The following PCDHA10 variants were observed in gnomAD, a reference collection of about 807,000 sequenced individuals.
The protein encoded by PCDHA10 is protocadherin alpha 10.
PCDHA10 carries 45 observed loss-of-function variants against 61.2 expected under a neutral mutation model. That is an observed-to-expected ratio of 0.74 (90% confidence interval 0.58 to 0.94). The LOEUF (loss-of-function observed/expected upper bound fraction) is 0.94, where lower values mean the gene tolerates loss of function less well. PCDHA10 is among the 40% of genes least tolerant of loss of function. The pLI is 0.00. For synonymous variants in PCDHA10, 602 were observed against 548.8 expected (o/e 1.10, Z -1.35); for missense variants, 1,278 against 1,236.2 (o/e 1.03, Z -0.51).
intron 1 of PCDHA10, among the ~76,000 whole-genome samples, chr5:140,936,138 C>G (rs1396548448): frequency 6.6e-6 from 1 of 152,074 alleles, no homozygotes; most frequent in African/African-American, 2.4e-5. Context: ...AGTGATCTGC[C>G]CGCCTTGGCC....
chr5:140,898,995 T>C (rs1176186680), intron 1 of PCDHA10, among the ~76,000 whole-genome samples: 4 of 151,956 alleles, frequency 2.6e-5, no homozygotes, highest in Non-Finnish European at 5.9e-5. Flanking sequence ...TCTGTTTGTC[T>C]GTTATTGGTG....
chr5:140,977,012 TTC>T (rs2096742095), intron 1 of PCDHA10, among the ~76,000 whole-genome samples: 1 of 152,220 alleles, frequency 6.6e-6, no homozygotes, highest in African/African-American at 2.4e-5. Context: ...GTAACTGTGA[TTC>T]TGTCAAATGA....
chr5:140,941,214 C>CTTCTTTCTTT (rs1554214039), intron 1 of PCDHA10, among the ~76,000 whole-genome samples: 1 of 122,414 alleles, frequency 8.2e-6, no homozygotes, highest in Admixed American at 8.5e-5. Context: ...TTTCTTTCTT[C>CTTCTTTCTTT]CTTTCTTTCT....
At chr5:140,906,494 G>C (rs1327823813) in intron 1 of PCDHA10, among the ~76,000 whole-genome samples, 4 of 152,196 alleles carry the variant, frequency 2.6e-5, no homozygotes, top group African/African-American at 9.7e-5. Context: ...GCACAAACAT[G>C]TTTTTAACAA....
chr5:140,871,832 C>G (rs2053333400), intron 1 of PCDHA10, among the ~76,000 whole-genome samples: 2 of 152,246 alleles, frequency 1.3e-5, no homozygotes, highest in Non-Finnish European at 2.9e-5. Context: ...CCCTTCATCT[C>G]TAAACTTCAA....
rs199624636 is a variant in PCDHA10, at chr5:141,009,721, C to T, written c.2631C>T (p.Ser877=). The change falls in exon 4 of 4, where the codon TCC becomes TCT. Residue 877 remains serine (S), a synonymous_variant. Coordinates refer to ENST00000307360, the MANE Select transcript of PCDHA10 (RefSeq NM_018901.4). ...FKYGPGNPKQ[S]GPGELPDKFI... ...ACGGACCAGGCAACCCCAAACAATCCGGTCCCGGTGAGTTGCCCGACAAAT... is the reference window on the plus strand; with the variant it reads ...ACGGACCAGGCAACCCCAAACAATCTGGTCCCGGTGAGTTGCCCGACAAAT... 1.3e-5 allele frequency: 21 copies of T among 1,614,012 alleles called. No individual in the cohort carries two copies. The highest frequency in any genetic ancestry group is 1.7e-5 in the Non-Finnish European group (20 of 1,180,038).
intron 1 of PCDHA10, among the ~76,000 whole-genome samples, chr5:140,955,667 T>C (rs1485421057): frequency 6.6e-6 from 1 of 152,188 alleles, no homozygotes; most frequent in Admixed American, 6.5e-5. Flanking sequence ...AATTTTAACA[T>C]AGTTTTTTCG....
rs1038789772 is a variant in PCDHA10, at chr5:140,894,031, G to C, written c.2388+35595G>C. On this transcript the variant is annotated intron_variant, in intron 1 of 3. Transcript: ENST00000307360. ...TTCAAATTACCAGTTCTGCATACTG[G>C]TAATGTAAGTCCTCTGTTGAATTGA... Among the ~76,000 whole-genome samples, 3 of 152,204 alleles carry C rather than the reference G, an allele frequency of 2.0e-5. No homozygotes were observed. In the South Asian group the frequency reaches 6.2e-4, roughly 32 times the overall value.
At chr5:140,874,427 A>T (rs2054903457) in intron 1 of PCDHA10, among the ~76,000 whole-genome samples, 1 of 152,212 alleles carries the variant, frequency 6.6e-6, no homozygotes, top group African/African-American at 2.4e-5. Context: ...TTCTGAAGAG[A>T]AGCATGTCCT....
intron 1 of PCDHA10, chr5:140,927,539 A>G (rs1554204701): frequency 6.2e-7 from 1 of 1,614,112 alleles, no homozygotes; most frequent in Non-Finnish European, 8.5e-7. Flanking sequence ...CGCTCAGGAG[A>G]CGCACAAGTC....
rs782637341 is a variant in PCDHA10, at chr5:141,010,225, C to A, written c.*288C>A. Reference sequence around the variant, plus strand: ...CCGCCGCAAAGGAGAGGCTTCCCAGCCCCGCCAGTGAGAGGTTGGACTCTC... The same window carrying A: ...CCGCCGCAAAGGAGAGGCTTCCCAGACCCGCCAGTGAGAGGTTGGACTCTC... On this transcript the variant is annotated 3_prime_UTR_variant, in exon 4 of 4. Transcript: ENST00000307360. 11 of 1,551,730 alleles carry A rather than the reference C, an allele frequency of 7.1e-6. No homozygotes were observed. The highest frequency in any genetic ancestry group is 8.7e-6 in the Non-Finnish European group (10 of 1,147,034).
rs2044790199 is a variant in PCDHA10 at position 140,857,681 on chromosome 5, G to A, written c.1633G>A (p.Gly545Ser). Residue 545 changes from glycine to serine, a missense_variant, in exon 1 of 4, where the codon GGC becomes AGC. Transcript: ENST00000307360. ...GCGCGATGGGGGCGTGCCGCCTCTG[G>A]GCAGCAACTTGACGCTGCAGGTGTT... is the stretch of plus-strand genomic sequence containing the variant. ...SARDGGVPPL[G>S]SNLTLQVFVL... is the part of the protein sequence containing the mutation. 5 of 1,596,954 alleles carry A rather than the reference G, an allele frequency of 3.1e-6. No individual in the cohort carries two copies. The highest frequency in any genetic ancestry group is 4.5e-5 in the East Asian group (2 of 44,796).
At chr5:140,940,369 T>C (rs1554213311) in intron 1 of PCDHA10, among the ~76,000 whole-genome samples, 1 of 152,212 alleles carries the variant, frequency 6.6e-6, no homozygotes, top group Admixed American at 6.5e-5. Context: ...AAAGTATTCC[T>C]TGAGTTGTTA....
Position 140,858,084 on chromosome 5 carries a change from C to T in PCDHA10, c.2036C>T (p.Ser679Leu), listed in dbSNP as rs781886260. 2 of 1,597,664 alleles carry T rather than the reference C, an allele frequency of 1.3e-6. No homozygotes were observed. Among genetic ancestry groups the T allele is most frequent in the Admixed American group, 1.7e-5 (1 of 59,290 alleles). ...VEGSQAPKAS[S>L]RASVGVAPEV... ...GGCAGCCAGGCACCCAAGGCCTCGT[C>T]GCGGGCTTCAGTGGGCGTGGCGCCC... is the stretch of plus-strand genomic sequence containing the variant. Residue 679 changes from serine (S) to leucine (L), a missense_variant, in exon 1 of 4, where the codon TCG becomes TTG. Transcript: ENST00000307360.
chr5:140,899,607 TC>T (rs1301087468), intron 1 of PCDHA10, among the ~76,000 whole-genome samples: 11 of 152,322 alleles, frequency 7.2e-5, no homozygotes, highest in African/African-American at 2.6e-4. Flanking sequence ...GACTTTTGCA[TC>T]AATGTTCATC....
At chr5:140,902,504 C>G (rs2069506794) in intron 1 of PCDHA10, among the ~76,000 whole-genome samples, 1 of 151,984 alleles carries the variant, frequency 6.6e-6, no homozygotes, top group African/African-American at 2.4e-5. Context: ...AGCTGTGAGT[C>G]TGTCATATAT....
At chr5:140,921,301 C>T (rs1227923324) in intron 1 of PCDHA10, among the ~76,000 whole-genome samples, 1 of 151,954 alleles carries the variant, frequency 6.6e-6, no homozygotes. Flanking sequence ...TTGCTGAATG[C>T]CATTGTATTA....
chr5:140,979,074 C>T, intron 2 of PCDHA10, 67 bp downstream of exon 2: 4 of 1,583,968 alleles, frequency 2.5e-6, no homozygotes, highest in Non-Finnish European at 2.6e-6. Context: ...TAAACTGCAT[C>T]TCCATAGGCC....
intron 1 of PCDHA10, chr5:140,884,171 C>A: frequency 6.2e-7 from 1 of 1,613,414 alleles, no homozygotes; most frequent in Non-Finnish European, 8.5e-7. Flanking sequence ...CAGCACGACG[C>A]GCCCTCTGGA....
Sources: gnomAD v4.1 joint callset for allele counts (sites outside exome capture counted in the v4.1 genomes callset) on GRCh38, gnomAD v4.1.1 for gene constraint, MANE v1.5 for transcripts, NCBI Gene and HGNC (gene_info 2026-07-23, HGNC 2026-07-21) for gene names.